Variants in PHGR1 observed in about 807,000 individuals in gnomAD.
The protein encoded by PHGR1 is proline, histidine and glycine rich 1, also known as proline, histidine and glycine-rich protein 1.
Under a neutral mutation model 4.9 loss-of-function variants are expected in PHGR1, and 3 were observed. That is an observed-to-expected ratio of 0.61 (90% CI 0.28 to 1.58). PHGR1 has a LOEUF of 1.58. Among genes scored for constraint, PHGR1 ranks in the 40% most tolerant of loss-of-function variants. PHGR1 has a pLI of 0.11. For synonymous variants in PHGR1, 32 were observed against 46.1 expected (o/e 0.69, Z 1.24); for missense variants, 81 against 118.7 (o/e 0.68, Z 1.48).
intron 1 of PHGR1, among the ~76,000 whole-genome samples, chr15:40,351,568 G>A (rs1416996933): frequency 6.6e-6 from 1 of 152,182 alleles, no homozygotes. Context: ...TAGTTCACAG[G>A]CTGACCTCAG....
chr15:40,353,167 G>A, intron 1 of PHGR1, 65 bp from the exon 2 acceptor site: 1 of 1,472,862 alleles, frequency 6.8e-7, no homozygotes, highest in Non-Finnish European at 9.3e-7. Context: ...GCGCATCCGT[G>A]GGAGGGAGAA....
intron 1 of PHGR1, among the ~76,000 whole-genome samples, chr15:40,352,095 C>A (rs1889213839): frequency 6.6e-6 from 1 of 152,124 alleles, no homozygotes. Flanking sequence ...CCCAGCTACT[C>A]CAGAGGTTAA....
chr15:40,353,153 G>GCA lies in PHGR1; in HGVS notation c.-26-78_-26-77insAC, dbSNP rs1295003811. ...TGTGTGTGTGTGTGTGTGTGCGCGC[G>GCA]CGCGCGCATCCGTGGGAGGGAGAAA... On this transcript the variant is annotated intron_variant, in intron 1 of 3. Coordinates refer to ENST00000448599, the MANE Select transcript of PHGR1 (RefSeq NM_001145643.2). 1.0e-4 allele frequency: 137 copies of GCA among 1,306,242 alleles called. 1 individual carries two copies. Among genetic ancestry groups the GCA allele is most frequent in the African/African-American group, 7.5e-4 (51 of 67,596 alleles). 80.9% of individuals were successfully genotyped at this position (1,306,242 alleles called of 1,614,324 possible). A position where few individuals can be genotyped will look rare whatever the true frequency, so the allele number is the denominator to read the frequency against.
chr15:40,355,100 C>T (rs555841938), intron 3 of PHGR1, among the ~76,000 whole-genome samples: 1 of 152,008 alleles, frequency 6.6e-6, no homozygotes, highest in Non-Finnish European at 1.5e-5. Flanking sequence ...CCCCAGACCC[C>T]GAGTCCCCTA....
chr15:40,355,346 T>C (rs942304608), intron 3 of PHGR1, among the ~76,000 whole-genome samples: 5 of 152,140 alleles, frequency 3.3e-5, no homozygotes, highest in Admixed American at 2.6e-4. Flanking sequence ...GGAACAGGTA[T>C]GAGCTCGCAC....
chr15:40,353,399 C>A, intron 2 of PHGR1, 132 bp downstream of exon 2: 1 of 1,155,758 alleles, frequency 8.7e-7, no homozygotes, highest in Admixed American at 2.1e-5. Context: ...TGTATGAAGG[C>A]AGTGGTAGGG....
At chr15:40,356,018 A>T in intron 3 of PHGR1, 55 bp from the exon 4 acceptor site, 1 of 1,511,912 alleles carries the variant, frequency 6.6e-7, no homozygotes, top group Non-Finnish European at 9.0e-7. Flanking sequence ...AGCTGATCTC[A>T]GGTAAGCTTA....
intron 1 of PHGR1, among the ~76,000 whole-genome samples, chr15:40,351,291 G>T (rs1268973820): frequency 6.6e-6 from 1 of 152,206 alleles, no homozygotes; most frequent in Admixed American, 6.5e-5. Flanking sequence ...TATAGCCTTT[G>T]CCATGCCAGG....
intron 1 of PHGR1, among the ~76,000 whole-genome samples, chr15:40,351,302 C>A (rs2141253797): frequency 6.6e-6 from 1 of 152,348 alleles, no homozygotes; most frequent in African/African-American, 2.4e-5. Flanking sequence ...CCATGCCAGG[C>A]AGCAGGGCTT....
chr15:40,354,412 C>T, intron 3 of PHGR1, 60 bp downstream of exon 3: 2 of 1,489,714 alleles, frequency 1.3e-6, no homozygotes, highest in East Asian at 2.5e-5. Flanking sequence ...CCTCCAGACC[C>T]CTAGCCTCCT....
chr15:40,353,093 CCT>C (rs1889230127), intron 1 of PHGR1, 137 bp from the exon 2 acceptor site: 9 of 935,424 alleles, frequency 9.6e-6, no homozygotes, highest in Non-Finnish European at 1.3e-5. Flanking sequence ...CAGTTTTTTC[CCT>C]TTCTTCCTTT....
At chr15:40,354,289 T>C (rs539732644) in intron 2 of PHGR1, 56 bp from the exon 3 acceptor site, 49 of 1,527,022 alleles carry the variant, frequency 3.2e-5, no homozygotes, top group Non-Finnish European at 4.1e-5. Context: ...GGTTTTTTTT[T>C]ACTGCAGAAC....
At chr15:40,355,047 C>T (rs1889269359) in intron 3 of PHGR1, among the ~76,000 whole-genome samples, 2 of 152,134 alleles carry the variant, frequency 1.3e-5, no homozygotes, top group Non-Finnish European at 2.9e-5. Context: ...GGGAGTTATC[C>T]AGCCCAGACA....
At chr15:40,354,868 T>C (rs1222473182) in intron 3 of PHGR1, among the ~76,000 whole-genome samples, 1 of 151,892 alleles carries the variant, frequency 6.6e-6, no homozygotes, top group Admixed American at 6.6e-5. Flanking sequence ...AAAAGAGCCA[T>C]AGGCAGAGAG....
In PHGR1 at chr15:40,354,307, C is replaced by T. The variant is rs1251289717; in HGVS notation, c.11-38C>T. 2.7e-6 allele frequency: 4 copies of T among 1,498,214 alleles called. No individual in the cohort carries two copies. The Admixed American group carries it at 6.4e-5, about 24-fold the overall frequency. The allele number at this position is 1,498,214 out of a possible 1,614,324, so 92.8% of individuals were successfully genotyped here. On this transcript the variant is annotated intron_variant, in intron 2 of 3. Coordinates refer to ENST00000448599, the MANE Select transcript of PHGR1 (RefSeq NM_001145643.2). Reference sequence around the variant, plus strand: ...TTTTTTTTACTGCAGAACCAAATGACCAAAGCTGCTTCTTTTTTTTCCCTT... The same window carrying T: ...TTTTTTTTACTGCAGAACCAAATGATCAAAGCTGCTTCTTTTTTTTCCCTT...
rs1375964099 is a variant in PHGR1, at chr15:40,356,068, C to T, written c.19-5C>T. 3 of 1,549,670 alleles carry T rather than the reference C, an allele frequency of 1.9e-6. No homozygotes were observed. Among genetic ancestry groups the T allele is most frequent in the Non-Finnish European group, 2.6e-6 (3 of 1,146,672 alleles). On this transcript the variant is annotated splice_polypyrimidine_tract_variant and splice_region_variant and intron_variant, in intron 3 of 3. Transcript: ENST00000448599. ...CTCTGACATTGTTCATTTGACTTTC[C>T]ACAGGGGCACTGCCACTGTGGGGGG...
chr15:40,356,018 A>G (rs1196489656), intron 3 of PHGR1, 55 bp from the exon 4 acceptor site: 2 of 1,511,912 alleles, frequency 1.3e-6, no homozygotes, highest in South Asian at 2.4e-5. Context: ...AGCTGATCTC[A>G]GGTAAGCTTA....
At chr15:40,355,753 G>T (rs1889283728) in intron 3 of PHGR1, among the ~76,000 whole-genome samples, 1 of 152,224 alleles carries the variant, frequency 6.6e-6, no homozygotes, top group African/African-American at 2.4e-5. Flanking sequence ...GTTCCTGGGT[G>T]AGAGAAAGGA....
At chr15:40,353,115 GT>G in intron 1 of PHGR1, 116 bp from the exon 2 acceptor site, 1 of 353,240 alleles carries the variant, frequency 2.8e-6, no homozygotes, top group Non-Finnish European at 4.0e-6. Flanking sequence ...TGAAGGGTGT[GT>G]GTGTGTGTGT....
Sources: gnomAD v4.1 joint callset for allele counts (sites outside exome capture counted in the v4.1 genomes callset) on GRCh38, gnomAD v4.1.1 for gene constraint, MANE v1.5 for transcripts, NCBI Gene and HGNC (gene_info 2026-07-23, HGNC 2026-07-21) for gene names.